Variants in MECOM observed in about 807,000 individuals in gnomAD.
The protein encoded by MECOM is MDS1 and EVI1 complex locus.
A neutral mutation model predicts 116.3 loss-of-function variants in MECOM; 13 were observed. The observed-to-expected ratio is 0.11, with a 90% CI of 0.07 to 0.18. The LOEUF (loss-of-function observed/expected upper bound fraction) is 0.18, where lower values mean the gene tolerates loss of function less well. MECOM is among the 10% of genes least tolerant of loss of function. The pLI is 1.00. For synonymous variants in MECOM, 528 were observed against 535.2 expected (o/e 0.99, Z 0.19); for missense variants, 1,299 against 1,509.0 (o/e 0.86, Z 2.31).
chr3:169,117,229 C>A (rs1453367454), intron 7 of MECOM, among the ~76,000 whole-genome samples: 1 of 152,118 alleles, frequency 6.6e-6, no homozygotes, highest in East Asian at 1.9e-4. Context: ...CCTTTATTGC[C>A]TCTCCCCTTG....
intron 1 of MECOM, among the ~76,000 whole-genome samples, chr3:169,413,630 TCCACTG>T (rs1737991618): frequency 1.3e-5 from 2 of 152,044 alleles, no homozygotes; most frequent in African/African-American, 4.8e-5. Context: ...CAAGCTAAGA[TCCACTG>T]GCTTGAAATT....
intron 1 of MECOM, among the ~76,000 whole-genome samples, chr3:169,539,269 C>T (rs1480337797): frequency 6.6e-6 from 1 of 152,160 alleles, no homozygotes; most frequent in Non-Finnish European, 1.5e-5. Context: ...GCCTATGATT[C>T]ATTTGCCTGT....
At chr3:169,509,170 T>C (rs945765068) in intron 1 of MECOM, among the ~76,000 whole-genome samples, 2 of 152,134 alleles carry the variant, frequency 1.3e-5, no homozygotes, top group Admixed American at 1.3e-4. Context: ...GTGTTAAAAG[T>C]GAATGGCCCA....
At chr3:169,294,392 A>C (rs902433308) in intron 2 of MECOM, among the ~76,000 whole-genome samples, 2 of 152,160 alleles carry the variant, frequency 1.3e-5, no homozygotes, top group African/African-American at 2.4e-5. Context: ...ACAGAGAAAA[A>C]CATTGCTTTT....
intron 2 of MECOM, among the ~76,000 whole-genome samples, chr3:169,149,290 C>A (rs1342904007): frequency 1.3e-5 from 2 of 152,098 alleles, no homozygotes; most frequent in Non-Finnish European, 2.9e-5. Flanking sequence ...CACCTCCTTG[C>A]CCTTTACAAA....
intron 14 of MECOM, 73 bp downstream of exon 14, chr3:169,092,885 A>G: frequency 6.4e-7 from 1 of 1,573,390 alleles, no homozygotes; most frequent in Non-Finnish European, 8.7e-7. Context: ...CACAAAAGTG[A>G]GCATAGCAAG....
chr3:169,116,879 A>G (rs78243607), intron 7 of MECOM, 140 bp from the exon 8 acceptor site: 4 of 1,052,432 alleles, frequency 3.8e-6, no homozygotes, highest in Non-Finnish European at 3.9e-6. Flanking sequence ...GGTGCTCCAA[A>G]CACAGAAAAC....
At chr3:169,157,643 A>G (rs979961364) in intron 2 of MECOM, among the ~76,000 whole-genome samples, 11 of 152,192 alleles carry the variant, frequency 7.2e-5, no homozygotes, top group African/African-American at 2.7e-4. Context: ...TGTTGAGTAA[A>G]TTCTTCAACT....
intron 1 of MECOM, among the ~76,000 whole-genome samples, chr3:169,416,090 T>C (rs1738540266): frequency 6.6e-6 from 1 of 152,130 alleles, no homozygotes; most frequent in Admixed American, 6.5e-5. Context: ...CAGCAACACA[T>C]AGCACTTATT....
At chr3:169,172,847 C>T (rs1744638864) in intron 2 of MECOM, among the ~76,000 whole-genome samples, 1 of 151,986 alleles carries the variant, frequency 6.6e-6, no homozygotes, top group African/African-American at 2.4e-5. Context: ...TCAGCTTCTA[C>T]AATTGAAAAA....
chr3:169,233,498 C>A (rs1042775965), intron 2 of MECOM, among the ~76,000 whole-genome samples: 2 of 152,068 alleles, frequency 1.3e-5, no homozygotes, highest in African/African-American at 2.4e-5. Flanking sequence ...GGAAAGGTAG[C>A]AAAATTGAGC....
chr3:169,477,252 C>G (rs1750637494), intron 1 of MECOM, among the ~76,000 whole-genome samples: 1 of 150,798 alleles, frequency 6.6e-6, no homozygotes, highest in Non-Finnish European at 1.5e-5. Context: ...CTACCCCTGT[C>G]AAAGGAGAAC....
chr3:169,085,224 G>A (rs543476076), intron 16 of MECOM, among the ~76,000 whole-genome samples, 181 bp from the exon 17 acceptor site: 59 of 152,274 alleles, frequency 3.9e-4, no homozygotes, highest in Non-Finnish European at 8.8e-5. Context: ...CTGGCCTTTA[G>A]TGCCTAGGGG....
chr3:169,634,796 C>T (rs1049102484), intron 1 of MECOM, among the ~76,000 whole-genome samples: 1 of 152,108 alleles, frequency 6.6e-6, no homozygotes, highest in Non-Finnish European at 1.5e-5. Flanking sequence ...ACACCCAGCT[C>T]TTGGCAGTGA....
intron 2 of MECOM, among the ~76,000 whole-genome samples, chr3:169,195,391 C>T (rs1471242570): frequency 6.6e-6 from 1 of 152,020 alleles, no homozygotes; most frequent in Non-Finnish European, 1.5e-5. Flanking sequence ...CAAAAACCTG[C>T]CGCATAAACT....
chr3:169,230,894 AT>A (rs1465055890), intron 2 of MECOM, among the ~76,000 whole-genome samples: 1 of 152,162 alleles, frequency 6.6e-6, no homozygotes, highest in Non-Finnish European at 1.5e-5. Flanking sequence ...CCCCCACTTT[AT>A]CATAACTTTG....
At chr3:169,328,570 TG>T (rs1722230747) in intron 2 of MECOM, among the ~76,000 whole-genome samples, 1 of 152,212 alleles carries the variant, frequency 6.6e-6, no homozygotes, top group Admixed American at 6.5e-5. Flanking sequence ...TACTTAAATT[TG>T]ATAGGCATTT....
chr3:169,463,929 C>T (rs1474201895), intron 1 of MECOM: 19 of 151,990 alleles, frequency 1.3e-4, no homozygotes. Context: ...TTTAATTCAC[C>T]TATTTTTCTT....
chr3:169,389,419 T>C (rs1202464815), intron 1 of MECOM: 1 of 296,626 alleles, frequency 3.4e-6, no homozygotes, highest in Admixed American at 6.5e-5. Flanking sequence ...GGAGCCACCG[T>C]CACCAATATC....
Sources: gnomAD v4.1 joint callset for allele counts (sites outside exome capture counted in the v4.1 genomes callset) on GRCh38, gnomAD v4.1.1 for gene constraint, MANE v1.5 for transcripts, NCBI Gene and HGNC (gene_info 2026-07-23, HGNC 2026-07-21) for gene names.